SEPTIN7: variants seen among roughly 807,000 people sequenced by gnomAD.
SEPTIN7 encodes septin 7, also known as septin-7.
In SEPTIN7, 10 loss-of-function variants were observed where a neutral mutation model predicts 63.3. The ratio of observed to expected loss-of-function variants is 0.16; its 90% CI spans 0.10 to 0.27. The LOEUF (loss-of-function observed/expected upper bound fraction) is 0.27, where lower values mean the gene tolerates loss of function less well. SEPTIN7 is among the 10% of genes least tolerant of loss of function. SEPTIN7 has a pLI of 1.00. For missense variants in SEPTIN7, 310 were observed against 521.0 expected, an observed-to-expected ratio of 0.59 and a Z score of 3.94; for synonymous variants, 131 against 165.3, an observed-to-expected ratio of 0.79 and a Z score of 1.59.
intron 3 of SEPTIN7, among the ~76,000 whole-genome samples, chr7:35,838,371 C>G (rs1393807614): frequency 1.7e-5 from 1 of 59,514 alleles, no homozygotes; most frequent in African/African-American, 7.1e-5. Flanking sequence ...CCTCCTCCCT[C>G]CCTCCCTCCC....
intron 1 of SEPTIN7, among the ~76,000 whole-genome samples, chr7:35,828,519 C>T (rs1562528857): frequency 1.3e-5 from 2 of 152,148 alleles, no homozygotes; most frequent in African/African-American, 2.4e-5. Context: ...GGGACTGCTA[C>T]AGGCACATGC....
At chr7:35,807,251 C>A (rs1004129629) in intron 1 of SEPTIN7, among the ~76,000 whole-genome samples, 2 of 150,286 alleles carry the variant, frequency 1.3e-5, no homozygotes, top group Admixed American at 1.3e-4. Flanking sequence ...ATGGCACAGT[C>A]TCAGCCACCG....
intron 3 of SEPTIN7, chr7:35,846,761 A>C (rs1243141850): frequency 6.4e-6 from 1 of 155,428 alleles, no homozygotes; most frequent in Non-Finnish European, 1.5e-5. Context: ...GCAAAATTCT[A>C]CTGATTAGAC....
At chr7:35,895,058 T>C (rs1787879674) in intron 11 of SEPTIN7, among the ~76,000 whole-genome samples, 1 of 152,204 alleles carries the variant, frequency 6.6e-6, no homozygotes, top group African/African-American at 2.4e-5. Context: ...TTTCTTCATT[T>C]CTTTGTCTGG....
At chr7:35,877,539 T>C (rs1361542852) in intron 6 of SEPTIN7, among the ~76,000 whole-genome samples, 12 of 152,240 alleles carry the variant, frequency 7.9e-5, no homozygotes. Flanking sequence ...AATGAGACCT[T>C]TATTTCATTT....
At chr7:35,914,590 G>A in the SEPTIN7 span, among the ~76,000 whole-genome samples, 1 of 151,958 alleles carries the variant, frequency 6.6e-6, no homozygotes, top group Admixed American at 6.6e-5. Flanking sequence ...CCACAATTGT[G>A]TGACCCAATT....
chr7:35,849,626 G>T (rs1294811190), intron 3 of SEPTIN7, among the ~76,000 whole-genome samples: 1 of 151,988 alleles, frequency 6.6e-6, no homozygotes, highest in Non-Finnish European at 1.5e-5. Flanking sequence ...AAAGAATAGC[G>T]CCCTCCCTTG....
intron 12 of SEPTIN7, chr7:35,900,565 G>C (rs1323445359): frequency 6.6e-6 from 1 of 152,064 alleles, no homozygotes; most frequent in African/African-American, 2.4e-5. Flanking sequence ...CATATAATCT[G>C]GAAAATCTAT....
chr7:35,814,599 C>T (rs554039132), intron 1 of SEPTIN7, among the ~76,000 whole-genome samples: 312 of 152,226 alleles, frequency 2.0e-3, no homozygotes, highest in Non-Finnish European at 3.9e-3. Flanking sequence ...TTGCCTATGG[C>T]AGTTATTACT....
At chr7:35,859,590 T>C (rs1423016330) in intron 3 of SEPTIN7, among the ~76,000 whole-genome samples, 3 of 152,228 alleles carry the variant, frequency 2.0e-5, no homozygotes, top group African/African-American at 7.2e-5. Context: ...ACTGGAGTAT[T>C]GAAGTCTCCA....
At chr7:35,828,007 T>C (rs752576553) in intron 1 of SEPTIN7, among the ~76,000 whole-genome samples, 3 of 152,208 alleles carry the variant, frequency 2.0e-5, no homozygotes, top group Admixed American at 1.3e-4. Context: ...AGCACTTTGC[T>C]AAGAACATAG....
chr7:35,801,220 G>T lies in SEPTIN7; in HGVS notation c.11G>T (p.Ser4Ile). Reference protein sequence around the residue: MSVSARSAAAEERS... With the variant: MSVIARSAAAEERS... ...GGAGGGGGGGAGGGGATGTCGGTCA[G>T]TGCGAGATCCGCTGCTGCTGAGGAG... is the stretch of plus-strand genomic sequence containing the variant. Residue 4 changes from serine to isoleucine, a missense_variant, in exon 1 of 14, where the codon AGT (serine) becomes ATT (isoleucine). Around this residue, in one of 2 missense-constraint regions of SEPTIN7, gnomAD observed 55 missense variants for 30.5 expected, o/e 1.80. Coordinates refer to ENST00000350320, the MANE Select transcript of SEPTIN7 (RefSeq NM_001788.6). The T allele has an allele frequency of 1.3e-6, 2 of 1,532,912 alleles. No homozygotes were observed. The highest frequency in any genetic ancestry group is 1.8e-6 in the Non-Finnish European group (2 of 1,140,426). The allele number at this position is 1,532,912 out of a possible 1,614,324, so 95.0% of individuals were successfully genotyped here. A position where few individuals can be genotyped will look rare whatever the true frequency, so the allele number is the denominator to read the frequency against.
At position 35,829,152 on chromosome 7, in the gene SEPTIN7, T is replaced by TG. The variant is rs869128623; in HGVS notation, c.62-2338dup. On this transcript the variant is annotated intron_variant, in intron 1 of 13. Transcript: ENST00000350320. ...TCTTTTTTTTTTTTTTTTTTTTTTTTGGAGACGGAGTCTCGCTCTGTCATC... is the reference window on the plus strand; with the variant it reads ...TCTTTTTTTTTTTTTTTTTTTTTTTTGGGAGACGGAGTCTCGCTCTGTCATC... 7.1e-5 allele frequency among the ~76,000 whole-genome samples: 10 copies of TG among 141,752 alleles called. No homozygotes were observed. In the South Asian group the frequency reaches 2.0e-3, roughly 28 times the overall value. The allele number at this position is 141,752 out of a possible 152,430, so 93.0% of individuals were successfully genotyped here. A position where few individuals can be genotyped will look rare whatever the true frequency, so the allele number is the denominator to read the frequency against.
chr7:35,832,690 G>T (rs1783891725), intron 2 of SEPTIN7, 108 bp from the exon 3 acceptor site: 1 of 740,524 alleles, frequency 1.4e-6, no homozygotes, highest in African/African-American at 1.7e-5. Flanking sequence ...TTGATTTGCT[G>T]TGAATAATAG....
chr7:35,826,361 AGT>A (rs1192746524), intron 1 of SEPTIN7, among the ~76,000 whole-genome samples: 1 of 150,350 alleles, frequency 6.7e-6, no homozygotes, highest in Admixed American at 6.6e-5. Flanking sequence ...ATACTTCGTC[AGT>A]GTGTAAAACA....
At chr7:35,911,257 C>T (rs149549197), downstream of SEPTIN7, among the ~76,000 whole-genome samples, 11,469 of 152,270 alleles carry the variant, frequency 0.075, 493 homozygotes, top group South Asian at 0.18. Flanking sequence ...TAAGGGCTGA[C>T]ACAGGGAACA....
chr7:35,854,235 AT>A (rs1785092172), intron 3 of SEPTIN7, among the ~76,000 whole-genome samples: 1 of 152,240 alleles, frequency 6.6e-6, no homozygotes, highest in African/African-American at 2.4e-5. Context: ...TCATGGTATT[AT>A]AAAGGTTAAC....
chr7:35,880,035 T>TA, intron 7 of SEPTIN7, 95 bp downstream of exon 7: 1 of 695,340 alleles, frequency 1.4e-6, no homozygotes, highest in Admixed American at 2.1e-5. Flanking sequence ...CCATTCCTCT[T>TA]ACTGCTTTAC....
chr7:35,842,660 T>G (rs1784464573), intron 3 of SEPTIN7, among the ~76,000 whole-genome samples: 2 of 152,234 alleles, frequency 1.3e-5, no homozygotes, highest in Non-Finnish European at 2.9e-5. Context: ...GTATTTTATA[T>G]AATTAGAAGT....
Sources: gnomAD v4.1 joint callset for allele counts (sites outside exome capture counted in the v4.1 genomes callset) on GRCh38, gnomAD v4.1.1 for gene constraint, gnomAD v4.1.1 regional missense constraint, MANE v1.5 for transcripts, NCBI Gene and HGNC (gene_info 2026-07-23, HGNC 2026-07-21) for gene names.